Variants in SLC5A12 observed in about 807,000 individuals in gnomAD.
The protein encoded by SLC5A12 is sodium-coupled monocarboxylate transporter 2.
SLC5A12 carries 46 observed loss-of-function variants against 72.7 expected under a neutral mutation model. That is an observed-to-expected ratio of 0.63 (90% confidence interval 0.50 to 0.81). SLC5A12 has a LOEUF of 0.81. Among genes scored for constraint, SLC5A12 ranks in the 30% least tolerant of loss-of-function variants. The pLI, the probability that SLC5A12 is intolerant of heterozygous loss-of-function variation, is 0.00. For missense variants in SLC5A12, 683 were observed against 740.7 expected, an observed-to-expected ratio of 0.92 and a Z score of 0.90; for synonymous variants, 275 against 264.4, an observed-to-expected ratio of 1.04 and a Z score of -0.39.
At chr11:26,711,092 A>G (rs1210089519) in intron 3 of SLC5A12, among the ~76,000 whole-genome samples, 1 of 152,170 alleles carries the variant, frequency 6.6e-6, no homozygotes, top group African/African-American at 2.4e-5. Flanking sequence ...ATTGGTATCT[A>G]GAAGTATATG....
Position 26,671,209 on chromosome 11 carries a change from A to T in SLC5A12, c.1750T>A (p.Ser584Thr). 1 of 1,608,100 alleles carries T rather than the reference A, an allele frequency of 6.2e-7. No individual in the cohort carries two copies. The highest frequency in any genetic ancestry group is 1.1e-5 in the South Asian group (1 of 90,016). ...CTTCTGAGTCCGTTCTGTAAGACAGATTCAGCCCCCTGTTTCCGGGCACTG... is the reference window on the plus strand; with the variant it reads ...CTTCTGAGTCCGTTCTGTAAGACAGTTTCAGCCCCCTGTTTCCGGGCACTG... ...NGSARKQGAE[S>T]VLQNGLRRES... The change falls in exon 15 of 15, where the codon TCT becomes ACT. Residue 584 changes from serine (S) to threonine (T), a missense_variant. Coordinates refer to ENST00000396005, the MANE Select transcript of SLC5A12 (RefSeq NM_178498.4).
At chr11:26,711,106 C>T (rs1237085716) in intron 3 of SLC5A12, among the ~76,000 whole-genome samples, 1 of 151,978 alleles carries the variant, frequency 6.6e-6, no homozygotes, top group Non-Finnish European at 1.5e-5. Flanking sequence ...GTATATGAGT[C>T]AAAACCAAGT....
At chr11:26,694,361 T>C (rs1590723107) in intron 8 of SLC5A12, among the ~76,000 whole-genome samples, 1 of 152,094 alleles carries the variant, frequency 6.6e-6, no homozygotes, top group African/African-American at 2.4e-5. Flanking sequence ...CATTCTTTCA[T>C]GGGGGATATA....
At chr11:26,684,496 T>C (rs1486769761) in intron 10 of SLC5A12, among the ~76,000 whole-genome samples, 2 of 152,062 alleles carry the variant, frequency 1.3e-5, no homozygotes, top group South Asian at 4.1e-4. Context: ...TATTTGACAA[T>C]CTCTTACAAA....
intron 9 of SLC5A12, 106 bp from the exon 10 acceptor site, chr11:26,686,650 AG>A: frequency 1.1e-6 from 1 of 945,756 alleles, no homozygotes; most frequent in Non-Finnish European, 1.6e-6. Context: ...CCCTTTGCAA[AG>A]GGATCTCAGC....
At chr11:26,711,019 A>G (rs1855213839) in intron 3 of SLC5A12, among the ~76,000 whole-genome samples, 1 of 152,096 alleles carries the variant, frequency 6.6e-6, no homozygotes, top group African/African-American at 2.4e-5. Context: ...CAATACCGAA[A>G]CTGCCATAAT....
At chr11:26,721,251 C>A in intron 1 of SLC5A12, 125 bp downstream of exon 1, 1 of 761,508 alleles carries the variant, frequency 1.3e-6, no homozygotes. Context: ...TTTACAAAAA[C>A]ATTTTAATGT....
At position 26,668,440 on chromosome 11, in the gene SLC5A12, A is replaced by T. The variant is rs1452099903; in HGVS notation, c.*2662T>A. 1 of 151,990 alleles carries T rather than the reference A, an allele frequency of 6.6e-6. No homozygotes were observed. 9.4% of individuals were successfully genotyped at this position (151,990 alleles called of 1,614,324 possible). On this transcript the variant is annotated 3_prime_UTR_variant, in exon 15 of 15. Coordinates refer to ENST00000396005, the MANE Select transcript of SLC5A12 (RefSeq NM_178498.4). ...ACAGCCACAAGTTTAACCCTCTTCC[A>T]TGGTATGGATGGAACTTGTCACTGA... is the stretch of plus-strand genomic sequence containing the variant.
chr11:26,719,074 C>T (rs1278833319), intron 1 of SLC5A12, among the ~76,000 whole-genome samples: 1 of 152,038 alleles, frequency 6.6e-6, no homozygotes, highest in African/African-American at 2.4e-5. Flanking sequence ...GTTGTTTTTG[C>T]AGTAACTAGG....
At chr11:26,685,079 TTC>T (rs1475282322) in intron 10 of SLC5A12, among the ~76,000 whole-genome samples, 1 of 152,116 alleles carries the variant, frequency 6.6e-6, no homozygotes, top group Non-Finnish European at 1.5e-5. Context: ...GTCCCACAAG[TTC>T]TTTTATGTAG....
intron 9 of SLC5A12, among the ~76,000 whole-genome samples, chr11:26,690,984 T>G (rs1020164295): frequency 6.6e-6 from 1 of 151,722 alleles, no homozygotes; most frequent in African/African-American, 2.4e-5. Context: ...AACATAAAAT[T>G]AAAATTTTCT....
chr11:26,717,714 A>G (rs1487514470), intron 1 of SLC5A12, among the ~76,000 whole-genome samples: 1 of 152,182 alleles, frequency 6.6e-6, no homozygotes, highest in Non-Finnish European at 1.5e-5. Context: ...CTCTGAGGTC[A>G]GGCTGGGTGA....
rs1422419898 is a variant in SLC5A12 at position 26,668,835 on chromosome 11, A to G, written c.*2267T>C. 2 of 152,064 alleles carry G rather than the reference A, an allele frequency of 1.3e-5. No homozygotes were observed. The highest frequency in any genetic ancestry group is 4.8e-5 in the African/African-American group (2 of 41,424). 9.4% of individuals were successfully genotyped at this position (152,064 alleles called of 1,614,324 possible). A position where few individuals can be genotyped will look rare whatever the true frequency, so the allele number is the denominator to read the frequency against. On this transcript the variant is annotated 3_prime_UTR_variant, in exon 15 of 15. Transcript: ENST00000396005. Reference sequence around the variant, plus strand: ...TAATTGCATTTTCCAGTTGTATGACATTTTGATAACACTCCAGGTAAGATA... The same window carrying G: ...TAATTGCATTTTCCAGTTGTATGACGTTTTGATAACACTCCAGGTAAGATA...
intron 11 of SLC5A12, 121 bp from the exon 12 acceptor site, chr11:26,681,342 A>G (rs2133145940): frequency 1.3e-6 from 1 of 793,338 alleles, no homozygotes; most frequent in Middle Eastern, 4.0e-4. Flanking sequence ...TTGGCCACAT[A>G]TTTCAGAAAC....
intron 6 of SLC5A12, among the ~76,000 whole-genome samples, chr11:26,701,157 T>A (rs1490301839): frequency 6.6e-6 from 1 of 152,148 alleles, no homozygotes; most frequent in East Asian, 1.9e-4. Flanking sequence ...CCTCACCATT[T>A]TCTCACTACA....
chr11:26,708,196 C>CT (rs1855135650), intron 4 of SLC5A12, among the ~76,000 whole-genome samples: 1 of 151,666 alleles, frequency 6.6e-6, no homozygotes, highest in South Asian at 2.1e-4. Context: ...GCTATGATAC[C>CT]TTTTTCAAGG....
intron 2 of SLC5A12, 40 bp from the exon 3 acceptor site, chr11:26,711,398 G>A: frequency 1.3e-6 from 2 of 1,536,580 alleles, no homozygotes; most frequent in Non-Finnish European, 1.8e-6. Context: ...GTGAGAAAGG[G>A]ACATAGAAAG....
chr11:26,709,291 T>C, intron 4 of SLC5A12, 21 bp downstream of exon 4: 10 of 1,587,492 alleles, frequency 6.3e-6, no homozygotes, highest in Non-Finnish European at 8.6e-6. Context: ...GTTAAATACT[T>C]CTTCACAGCT....
rs77541615 is a variant in SLC5A12 at position 26,720,364 on chromosome 11, C to A, written c.339+1012G>T. On this transcript the variant is annotated intron_variant, in intron 1 of 14. Transcript: ENST00000396005. ...AAATAAATAAATAAGTAAATAAATA[C>A]ATGGAAAAAAAGAAGAGTGCCTTTT... Among the ~76,000 whole-genome samples, 805 of 103,182 alleles carry A rather than the reference C, an allele frequency of 7.8e-3. 11 individuals are homozygous for A. In the Middle Eastern group the frequency reaches 0.093, roughly 12 times the overall value. The allele number at this position is 103,182 out of a possible 152,430, so 67.7% of individuals were successfully genotyped here.
Sources: allele counts gnomAD v4.1 joint callset (sites outside exome capture counted in the v4.1 genomes callset), GRCh38; gene constraint gnomAD v4.1.1; transcripts MANE v1.5; gene names NCBI Gene and HGNC (gene_info 2026-07-23, HGNC 2026-07-21).